SLC16A4: variants seen among roughly 807,000 people sequenced by gnomAD.
The protein encoded by SLC16A4 is solute carrier family 16 member 4, also known as probable monocarboxylate transporter 5.
Under a neutral mutation model 47.9 loss-of-function variants are expected in SLC16A4, and 39 were observed. The observed-to-expected ratio is 0.81, with a 90% CI of 0.63 to 1.06. The LOEUF (loss-of-function observed/expected upper bound fraction) is 1.06, where lower values mean the gene tolerates loss of function less well. Among genes scored for constraint, SLC16A4 ranks in the 50% least tolerant of loss-of-function variants. The pLI is 0.00. For missense variants in SLC16A4, 524 were observed against 573.8 expected (o/e 0.91, Z 0.89); for synonymous variants, 189 against 199.9 (o/e 0.95, Z 0.46).
intron 2 of SLC16A4, among the ~76,000 whole-genome samples, chr1:110,388,547 C>G (rs1005277953): frequency 1.3e-5 from 2 of 152,148 alleles, no homozygotes; most frequent in African/African-American, 2.4e-5. Flanking sequence ...GGAGATCACC[C>G]CCAGAGCACT....
chr1:110,386,907 C>T (rs989544485), intron 2 of SLC16A4, among the ~76,000 whole-genome samples: 6 of 152,188 alleles, frequency 3.9e-5, no homozygotes, highest in African/African-American at 1.4e-4. Context: ...TATTAGATTT[C>T]TTTGTTGCTA....
intron 1 of SLC16A4, among the ~76,000 whole-genome samples, 192 bp from the exon 2 acceptor site, chr1:110,389,547 TG>T (rs1268101913): frequency 2.0e-5 from 3 of 152,236 alleles, no homozygotes; most frequent in Non-Finnish European, 4.4e-5. Context: ...ATCCCATTCC[TG>T]GGTATATACC....
At chr1:110,375,323 G>C (rs1661930670) in intron 8 of SLC16A4, 135 bp downstream of exon 8, 2 of 640,102 alleles carry the variant, frequency 3.1e-6, no homozygotes, top group African/African-American at 3.7e-5. Flanking sequence ...GTGGTGGAGT[G>C]AGTAGATATA....
intron 3 of SLC16A4, 80 bp downstream of exon 3, chr1:110,382,754 A>G (rs538113397): frequency 3.8e-6 from 5 of 1,330,232 alleles, no homozygotes; most frequent in Admixed American, 2.7e-5. Context: ...CTGAATTCCT[A>G]TTCAGTCTTG....
chr1:110,381,617 G>A (rs773104371), intron 4 of SLC16A4, 35 bp downstream of exon 4: 3 of 1,592,210 alleles, frequency 1.9e-6, no homozygotes, highest in Non-Finnish European at 2.6e-6. Context: ...CACCACTCCT[G>A]GCCTTCTATG....
chr1:110,378,378 G>A (rs895240490), intron 6 of SLC16A4, among the ~76,000 whole-genome samples: 1 of 152,104 alleles, frequency 6.6e-6, no homozygotes, highest in African/African-American at 2.4e-5. Flanking sequence ...TTACAGATGA[G>A]GAAATGAAGG....
In SLC16A4 at chr1:110,363,689, T is replaced by C. The variant is rs1321065614; in HGVS notation, c.*77A>G. ...ACAAATGTAGATGCGATGTGTTTCT[T>C]TCAAGCTTTTGTTTCCAATGACATT... is the stretch of plus-strand genomic sequence containing the variant. On this transcript the variant is annotated 3_prime_UTR_variant, in exon 9 of 9. Coordinates refer to ENST00000369779, the MANE Select transcript of SLC16A4 (RefSeq NM_004696.3). 10 of 1,403,120 alleles carry C rather than the reference T, an allele frequency of 7.1e-6. No homozygotes were observed. Among genetic ancestry groups the C allele is most frequent in the East Asian group, 2.4e-5 (1 of 40,976 alleles). The allele number at this position is 1,403,120 out of a possible 1,614,324, so 86.9% of individuals were successfully genotyped here.
intron 2 of SLC16A4, among the ~76,000 whole-genome samples, chr1:110,384,550 C>T (rs774544196): frequency 1.3e-5 from 2 of 152,116 alleles, no homozygotes; most frequent in Middle Eastern, 3.2e-3. Context: ...TCCTTCTTTC[C>T]GTTTTTAAGT....
At chr1:110,380,938 TA>T in intron 5 of SLC16A4, 43 bp downstream of exon 5, 1 of 1,568,642 alleles carries the variant, frequency 6.4e-7, no homozygotes, top group Non-Finnish European at 8.8e-7. Context: ...AGCTGAACGC[TA>T]AATCTTGCAC....
intron 2 of SLC16A4, among the ~76,000 whole-genome samples, chr1:110,388,689 A>G (rs1359117606): frequency 6.6e-6 from 1 of 152,222 alleles, no homozygotes; most frequent in Non-Finnish European, 1.5e-5. Flanking sequence ...TGATAGGAAG[A>G]GTAGATGACT....
chr1:110,373,407 G>A (rs1191561999), intron 8 of SLC16A4, among the ~76,000 whole-genome samples: 1 of 152,032 alleles, frequency 6.6e-6, no homozygotes, highest in African/African-American at 2.4e-5. Flanking sequence ...TCACTGTCCT[G>A]GGTACTAGCC....
chr1:110,369,112 G>A (rs940598286), intron 8 of SLC16A4, among the ~76,000 whole-genome samples: 15 of 151,752 alleles, frequency 9.9e-5, no homozygotes, highest in Admixed American at 2.6e-4. Flanking sequence ...ACACCACTAC[G>A]CCCAGCTAAT....
chr1:110,374,065 C>T (rs1008668882), intron 8 of SLC16A4, among the ~76,000 whole-genome samples: 1 of 137,736 alleles, frequency 7.3e-6, no homozygotes, highest in African/African-American at 2.5e-5. Context: ...GATGAAGTCT[C>T]GCTCTGTTGC....
At chr1:110,382,467 A>AT (rs1662460060) in intron 3 of SLC16A4, among the ~76,000 whole-genome samples, 1 of 152,058 alleles carries the variant, frequency 6.6e-6, no homozygotes, top group Non-Finnish European at 1.5e-5. Context: ...TCAAAAAAAA[A>AT]AAATAAATAA....
In SLC16A4 at chr1:110,382,943, C is replaced by A. The variant is rs747611202; in HGVS notation, c.111G>T (p.Met37Ile). The A allele has an allele frequency of 1.2e-6, 2 of 1,611,120 alleles. No homozygotes were observed. Among genetic ancestry groups the A allele is most frequent in the Admixed American group, 3.3e-5 (2 of 59,732 alleles). Residue 37 changes from methionine to isoleucine, a missense_variant, in exon 3 of 9, where the codon ATG becomes ATT. Transcript: ENST00000369779. Reference sequence around the variant, plus strand: ...CAAAGAAAATTGCAAAAGTCTTGGTCATCCCCATCACAAACACATTCACCT... The same window carrying A: ...CAAAGAAAATTGCAAAAGTCTTGGTAATCCCCATCACAAACACATTCACCT... ...FFLVNVFVMG[M>I]TKTFAIFFVV...
At chr1:110,366,154 AC>A (rs1661377684) in intron 8 of SLC16A4, among the ~76,000 whole-genome samples, 1 of 145,164 alleles carries the variant, frequency 6.9e-6, no homozygotes, top group Non-Finnish European at 1.5e-5. Context: ...TCTCTCACTC[AC>A]TCACTTTTTT....
intron 8 of SLC16A4, among the ~76,000 whole-genome samples, chr1:110,367,270 G>A (rs1414851725): frequency 6.6e-6 from 1 of 152,218 alleles, no homozygotes; most frequent in East Asian, 1.9e-4. Flanking sequence ...AAGGCAGGCA[G>A]ATCACTTGAG....
chr1:110,366,133 C>CACAT (rs35453316), intron 8 of SLC16A4, among the ~76,000 whole-genome samples: 1 of 125,004 alleles, frequency 8.0e-6, no homozygotes, highest in African/African-American at 2.8e-5. Flanking sequence ...CACACACACA[C>CACAT]TCTTTCTCTC....
intron 5 of SLC16A4, among the ~76,000 whole-genome samples, chr1:110,379,632 G>T (rs1012998115): frequency 4.6e-5 from 7 of 152,074 alleles, no homozygotes; most frequent in African/African-American, 1.7e-4. Context: ...CAAGTTTTTG[G>T]AGGGAGAGGA....
Sources: allele counts gnomAD v4.1 joint callset (sites outside exome capture counted in the v4.1 genomes callset), GRCh38; gene constraint gnomAD v4.1.1; transcripts MANE v1.5; gene names NCBI Gene and HGNC (gene_info 2026-07-23, HGNC 2026-07-21).